KDR: variants seen among roughly 807,000 people sequenced by gnomAD.
KDR encodes the protein kinase insert domain receptor.
Under a neutral mutation model 160.9 loss-of-function variants are expected in KDR, and 43 were observed. The ratio of observed to expected loss-of-function variants is 0.27; its 90% CI spans 0.21 to 0.34. KDR has a LOEUF of 0.34. KDR is among the 10% of genes least tolerant of loss of function. The probability of loss-of-function intolerance (pLI) is 1.00; values close to 1 mark genes in which losing one functional copy is unlikely to be tolerated. For synonymous variants in KDR, 617 were observed against 600.1 expected, an observed-to-expected ratio of 1.03 and a Z score of -0.41; for missense variants, 1,469 against 1,666.4, an observed-to-expected ratio of 0.88 and a Z score of 2.06.
At chr4:55,120,275 C>T (rs1720837268) in intron 2 of KDR, among the ~76,000 whole-genome samples, 1 of 152,160 alleles carries the variant, frequency 6.6e-6, no homozygotes, top group Non-Finnish European at 1.5e-5. Flanking sequence ...CAGCACTCTT[C>T]CAGGAGGGTA....
intron 27 of KDR, among the ~76,000 whole-genome samples, chr4:55,084,285 A>G (rs905386793): frequency 6.6e-5 from 10 of 152,324 alleles, no homozygotes; most frequent in African/African-American, 2.4e-4. Context: ...ATAAGACTAG[A>G]GGCATAAGAC....
chr4:55,092,985 A>G (rs17085265), intron 21 of KDR, among the ~76,000 whole-genome samples: 31,290 of 152,112 alleles, frequency 0.21, 3,727 homozygotes, highest in East Asian at 0.46. Flanking sequence ...ACTGACCTAG[A>G]TAATCTGGGA....
intron 22 of KDR, 32 bp from the exon 23 acceptor site, chr4:55,090,110 C>A (rs753006598): frequency 6.2e-7 from 1 of 1,612,744 alleles, no homozygotes; most frequent in South Asian, 1.1e-5. Context: ...CATTAGGTCT[C>A]GGCACAGCTG....
At chr4:55,091,128 C>T (rs1377032921) in intron 22 of KDR, among the ~76,000 whole-genome samples, 1 of 152,204 alleles carries the variant, frequency 6.6e-6, no homozygotes, top group African/African-American at 2.4e-5. Context: ...GCTGGAATTA[C>T]AGGCATGAGC....
chr4:55,115,468 C>A, intron 3 of KDR, 57 bp from the exon 4 acceptor site: 1 of 957,150 alleles, frequency 1.0e-6, no homozygotes, highest in South Asian at 1.3e-5. Flanking sequence ...AAAAGTTGGT[C>A]ATTTTTCAGG....
At position 55,110,302 on chromosome 4, in the gene KDR, T is replaced by C. The variant is rs146248140; in HGVS notation, c.1255+101A>G. The C allele has an allele frequency of 1.9e-4, 231 of 1,225,110 alleles. 2 individuals carry two copies. The African/African-American group carries it at 2.8e-3, about 15-fold the overall frequency. 75.9% of individuals were successfully genotyped at this position (1,225,110 alleles called of 1,614,324 possible). ...TTTGTACGCAGGCCCAGCCATGATA[T>C]GAGTGAAGCAGCAGGAGGCAGAGGA... is the stretch of plus-strand genomic sequence containing the variant. On this transcript the variant is annotated intron_variant, in intron 9 of 29. Coordinates refer to ENST00000263923, the MANE Select transcript of KDR (RefSeq NM_002253.4).
chr4:55,090,514 GT>G (rs987939518), intron 22 of KDR, among the ~76,000 whole-genome samples: 4 of 152,262 alleles, frequency 2.6e-5, no homozygotes, highest in African/African-American at 9.6e-5. Flanking sequence ...CTCTTTGTTG[GT>G]TTCCCCCTTC....
At position 55,104,982 on chromosome 4, in the gene KDR, C is replaced by T. The variant is rs772028072; in HGVS notation, c.1648G>A (p.Gly550Ser). 2 of 1,612,352 alleles carry T rather than the reference C, an allele frequency of 1.2e-6. No homozygotes were observed. Among genetic ancestry groups the T allele is most frequent in the Admixed American group, 1.7e-5 (1 of 59,954 alleles). Residue 550 changes from glycine (G) to serine (S), a missense_variant and splice_region_variant, in exon 13 of 30, where the codon GGT becomes AGT. Gly to Ser is a moderately conservative substitution (Grantham distance 56). Coordinates refer to ENST00000263923, the MANE Select transcript of KDR (RefSeq NM_002253.4). ...TCAGGTTGCAAAGTAATTTCAGGAC[C>T]CCCTAAAATGAAGAGGCCATAGTTA... ...ERVISFHVTR[G>S]PEITLQPDMQ...
chr4:55,090,910 A>G (rs1029674463), intron 22 of KDR, among the ~76,000 whole-genome samples: 15 of 129,884 alleles, frequency 1.2e-4, no homozygotes, highest in Non-Finnish European at 1.9e-4. Context: ...GCTGGAGTGC[A>G]GTGGTGCAAT....
chr4:55,098,910 G>A lies in KDR; in HGVS notation c.2267-107C>T, dbSNP rs182136197. The A allele has an allele frequency of 1.7e-3, 1,352 of 778,458 alleles. 7 individuals carry two copies. In the African/African-American group the frequency reaches 0.019, roughly 11 times the overall value. 48.2% of individuals were successfully genotyped at this position (778,458 alleles called of 1,614,324 possible). A position where few individuals can be genotyped will look rare whatever the true frequency, so the allele number is the denominator to read the frequency against. Reference sequence around the variant, plus strand: ...GCAAAATCCCAAGCTTACCAACTTGGAAAAATCCTAGAGGACAACAGTTAC... The same window carrying A: ...GCAAAATCCCAAGCTTACCAACTTGAAAAAATCCTAGAGGACAACAGTTAC... On this transcript the variant is annotated intron_variant, in intron 15 of 29. Transcript: ENST00000263923.
intron 15 of KDR, among the ~76,000 whole-genome samples, chr4:55,099,485 T>C (rs987640698): frequency 6.6e-6 from 1 of 152,126 alleles, no homozygotes; most frequent in African/African-American, 2.4e-5. Context: ...AAACAGATCA[T>C]TCTCTACAGA....
rs1190176904 is a variant in KDR at position 55,096,267 on chromosome 4, T to C, written c.2690A>G (p.Asn897Ser). Residue 897 changes from asparagine (N) to serine (S), a missense_variant, in exon 19 of 30, where the codon AAT becomes AGT. By Grantham distance (46) the Asn-to-Ser change is conservative. Around this residue, in one of 7 missense-constraint regions of KDR, gnomAD observed 151 missense variants for 207.2 expected, o/e 0.73. Coordinates refer to ENST00000263923, the MANE Select transcript of KDR (RefSeq NM_002253.4). Reference protein sequence around the residue: ...KILIHIGHHLNVVNLLGACTK... With the variant: ...KILIHIGHHLSVVNLLGACTK... ...ACAGGCACCTAGAAGGTTGACCACATTGAGATGGTGACCAATATGAATGAG... is the reference window on the plus strand; with the variant it reads ...ACAGGCACCTAGAAGGTTGACCACACTGAGATGGTGACCAATATGAATGAG... The C allele has an allele frequency of 1.9e-6, 3 of 1,612,936 alleles. No individual in the cohort carries two copies. Among genetic ancestry groups the C allele is most frequent in the South Asian group, 1.1e-5 (1 of 91,064 alleles).
chr4:55,093,607 A>T (rs141855661), intron 21 of KDR, among the ~76,000 whole-genome samples: 92 of 152,372 alleles, frequency 6.0e-4, no homozygotes, highest in African/African-American at 2.0e-3. Flanking sequence ...AATGAAGCCT[A>T]GACCACCTCC....
chr4:55,089,572 T>TC lies in KDR; in HGVS notation c.3305-100_3305-99insG, dbSNP rs1321930804. 23 of 1,357,820 alleles carry TC rather than the reference T, an allele frequency of 1.7e-5. No individual in the cohort carries two copies. In the South Asian group the frequency reaches 2.0e-4, roughly 12 times the overall value. The allele number at this position is 1,357,820 out of a possible 1,614,324, so 84.1% of individuals were successfully genotyped here. ...ACATCCTCATCACCTATGTATCTAT[T>TC]TTTTTTTTCAAAGCTTCCGAGAAGT... On this transcript the variant is annotated intron_variant, in intron 24 of 29. Transcript: ENST00000263923.
intron 5 of KDR, 64 bp from the exon 6 acceptor site, chr4:55,114,329 A>T: frequency 6.4e-7 from 1 of 1,553,068 alleles, no homozygotes; most frequent in Non-Finnish European, 8.9e-7. Flanking sequence ...CTTTGCACAG[A>T]TTTATTTTTT....
At chr4:55,120,495 C>T (rs138512055) in intron 2 of KDR, among the ~76,000 whole-genome samples, 8 of 152,270 alleles carry the variant, frequency 5.3e-5, no homozygotes, top group African/African-American at 1.7e-4. Context: ...TGACTTCTTG[C>T]TAGCAAGTGG....
rs781709766 is a variant in KDR at position 55,115,316 on chromosome 4, C to T, written c.454G>A (p.Gly152Arg). ...KNKTVVIPCL[G>R]SISNLNVSLC... ...GACACGTTGAGATTTGAAATGGACCCGAGACATGGAATCACCACAGTTTTG... is the reference window on the plus strand; with the variant it reads ...GACACGTTGAGATTTGAAATGGACCTGAGACATGGAATCACCACAGTTTTG... The change falls in exon 4 of 30, where the codon GGG (glycine) becomes AGG (arginine). Residue 152 changes from glycine to arginine, a missense_variant. By Grantham distance (125) the Gly-to-Arg change is moderately radical. Coordinates refer to ENST00000263923, the MANE Select transcript of KDR (RefSeq NM_002253.4). 9.3e-6 allele frequency: 15 copies of T among 1,609,816 alleles called. No homozygotes were observed. Among genetic ancestry groups the T allele is most frequent in the Non-Finnish European group, 1.2e-5 (14 of 1,176,270 alleles).
intron 7 of KDR, among the ~76,000 whole-genome samples, chr4:55,112,643 C>T (rs1423782890): frequency 1.3e-5 from 2 of 151,652 alleles, no homozygotes; most frequent in African/African-American, 4.9e-5. Flanking sequence ...ATTCTCCTGC[C>T]TCAGCCTCCT....
Position 55,089,695 on chromosome 4 carries a change from G to A in KDR, c.3300C>T (p.Ser1100=), listed in dbSNP as rs759365650. 1.2e-6 allele frequency: 2 copies of A among 1,612,518 alleles called. No homozygotes were observed. The highest frequency in any genetic ancestry group is 1.7e-6 in the Non-Finnish European group (2 of 1,178,922). Residue 1100 remains serine (S), a synonymous_variant, in exon 24 of 30, where the codon TCC becomes TCT. Coordinates refer to ENST00000263923, the MANE Select transcript of KDR (RefSeq NM_002253.4). ...SFGVLLWEIF[S]LGASPYPGVK... The stretch of plus-strand genomic sequence containing the variant: ...GGACAAAAAGAAATGACTTACCTAA[G>A]GAAAATATTTCCCACAGCAAAACAC...
Sources: gnomAD v4.1 joint callset for allele counts (sites outside exome capture counted in the v4.1 genomes callset) on GRCh38, gnomAD v4.1.1 for gene constraint, gnomAD v4.1.1 regional missense constraint, MANE v1.5 for transcripts, NCBI Gene and HGNC (gene_info 2026-07-23, HGNC 2026-07-21) for gene names.